DRG1: variants seen among roughly 807,000 people sequenced by gnomAD.
DRG1 encodes developmentally regulated GTP binding protein 1, also known as developmentally-regulated GTP-binding protein 1.
A neutral mutation model predicts 38.8 loss-of-function variants in DRG1; 19 were observed. The ratio of observed to expected loss-of-function variants is 0.49; its 90% CI spans 0.34 to 0.72. The LOEUF (loss-of-function observed/expected upper bound fraction) is 0.72, where lower values mean the gene tolerates loss of function less well. DRG1 is among the 30% of genes least tolerant of loss of function. DRG1 has a pLI of 0.01. For missense variants in DRG1, 299 were observed against 444.8 expected, an observed-to-expected ratio of 0.67 and a Z score of 2.95; for synonymous variants, 167 against 157.5, an observed-to-expected ratio of 1.06 and a Z score of -0.45.
chr22:31,420,049 A>C (rs930435358), intron 4 of DRG1, among the ~76,000 whole-genome samples: 2 of 152,174 alleles, frequency 1.3e-5, no homozygotes. Flanking sequence ...CTCTTGGGCA[A>C]ATAGGTGCTG....
At chr22:31,421,055 G>C (rs975856561) in intron 5 of DRG1, among the ~76,000 whole-genome samples, 1 of 152,036 alleles carries the variant, frequency 6.6e-6, no homozygotes, top group African/African-American at 2.4e-5. Flanking sequence ...GAGTAGCTGG[G>C]ATTACAGGTG....
chr22:31,411,766 C>G (rs945796301), intron 4 of DRG1, among the ~76,000 whole-genome samples: 3 of 151,640 alleles, frequency 2.0e-5, no homozygotes, highest in Non-Finnish European at 2.9e-5. Context: ...ATCTGCCTGC[C>G]TCAGTCTCCC....
At chr22:31,425,155 G>C (rs1476924889) in intron 6 of DRG1, among the ~76,000 whole-genome samples, 1 of 151,892 alleles carries the variant, frequency 6.6e-6, no homozygotes, top group Non-Finnish European at 1.5e-5. Context: ...ATCCTTCCTT[G>C]CTTTTAAATT....
intron 7 of DRG1, 34 bp from the exon 8 acceptor site, chr22:31,427,026 G>GAT: frequency 6.2e-7 from 1 of 1,612,902 alleles, no homozygotes. Context: ...GATAGTCTAA[G>GAT]AAGGCAGTAA....
chr22:31,430,424 G>T (rs2050132530), intron 8 of DRG1, among the ~76,000 whole-genome samples: 2 of 149,738 alleles, frequency 1.3e-5, no homozygotes, highest in South Asian at 4.2e-4. Context: ...TTTTGAGATG[G>T]AGTCTCGCTC....
Position 31,425,494 on chromosome 22 carries a change from G to C in DRG1, c.714-1121G>C, listed in dbSNP as rs534651114. Among the ~76,000 whole-genome samples the C allele has an allele frequency of 1.6e-4, 24 of 149,334 alleles. No homozygotes were observed. The South Asian group carries it at 4.8e-3, about 30-fold the overall frequency. ...ATGCTCTTGTCGCCCAGGCTGTAGTGCAGTGGTGTGATCACGGCTTACCGC... is the reference window on the plus strand; with the variant it reads ...ATGCTCTTGTCGCCCAGGCTGTAGTCCAGTGGTGTGATCACGGCTTACCGC... On this transcript the variant is annotated intron_variant, in intron 6 of 8. Coordinates refer to ENST00000331457, the MANE Select transcript of DRG1 (RefSeq NM_004147.4).
At chr22:31,403,280 G>A in intron 3 of DRG1, 76 bp downstream of exon 3, 1 of 1,450,838 alleles carries the variant, frequency 6.9e-7, no homozygotes, top group Non-Finnish European at 9.2e-7. Context: ...GGAGCTCACT[G>A]TATGCCAGGC....
At chr22:31,405,689 T>G (rs2049986145) in intron 3 of DRG1, among the ~76,000 whole-genome samples, 1 of 150,820 alleles carries the variant, frequency 6.6e-6, no homozygotes, top group Admixed American at 6.6e-5. Flanking sequence ...GTGGGGGGGT[T>G]TATTTATTTT....
chr22:31,423,171 A>T, intron 5 of DRG1, 109 bp from the exon 6 acceptor site: 1 of 1,344,196 alleles, frequency 7.4e-7, no homozygotes, highest in Non-Finnish European at 1.0e-6. Context: ...TGTATTTAGT[A>T]ATGAGTTTGC....
In DRG1 at chr22:31,400,627, G is replaced by C; in HGVS notation, c.50G>C (p.Arg17Pro). The change falls in exon 2 of 9, where the codon CGG becomes CCG. Residue 17 changes from arginine to proline, a missense_variant. Transcript: ENST00000331457. ...GTGATTCCTCCCTTTTAGATGGCTC[G>C]GACTCAAAAGAACAAGGCCACAGCA... Reference protein sequence around the residue: ...KIAEIEAEMARTQKNKATAHH... With the variant: ...KIAEIEAEMAPTQKNKATAHH... 6.2e-7 allele frequency: 1 copy of C among 1,612,442 alleles called. No homozygotes were observed. Among genetic ancestry groups the C allele is most frequent in the Non-Finnish European group, 8.5e-7 (1 of 1,179,148 alleles).
At chr22:31,420,180 A>T in intron 4 of DRG1, 76 bp from the exon 5 acceptor site, 2 of 1,514,094 alleles carry the variant, frequency 1.3e-6, no homozygotes, top group South Asian at 2.6e-5. Context: ...GGGGGAAAAA[A>T]CACCTCTACT....
In DRG1 at chr22:31,414,612, C is replaced by T. The variant is rs149733770; in HGVS notation, c.412+3531C>T. On this transcript the variant is annotated intron_variant, in intron 4 of 8. Coordinates refer to ENST00000331457, the MANE Select transcript of DRG1 (RefSeq NM_004147.4). ...CGCACATCTACTGTGTTGTTATATC[C>T]AGCTGGTTTTACCTTTGAAATATAT... Among the ~76,000 whole-genome samples, 653 of 151,948 alleles carry T rather than the reference C, an allele frequency of 4.3e-3. 40 individuals carry two copies. In the South Asian group the frequency reaches 0.08, roughly 19 times the overall value.
intron 3 of DRG1, among the ~76,000 whole-genome samples, chr22:31,403,774 C>T (rs1320446811): frequency 6.6e-6 from 1 of 152,064 alleles, no homozygotes; most frequent in Admixed American, 6.6e-5. Context: ...AGCCACCGCG[C>T]CCGGCCCCCT....
chr22:31,429,413 C>T (rs1006745766), intron 8 of DRG1, among the ~76,000 whole-genome samples: 2 of 151,988 alleles, frequency 1.3e-5, no homozygotes, highest in South Asian at 2.1e-4. Flanking sequence ...TGAGCTACCA[C>T]GCCTGGCCTA....
intron 4 of DRG1, among the ~76,000 whole-genome samples, chr22:31,415,100 G>A (rs530734796): frequency 2.6e-5 from 4 of 152,190 alleles, no homozygotes; most frequent in Admixed American, 2.6e-4. Context: ...TTTTTTAGGG[G>A]TAGAATCTCG....
At chr22:31,428,863 A>G (rs181919639) in intron 8 of DRG1, among the ~76,000 whole-genome samples, 3 of 152,224 alleles carry the variant, frequency 2.0e-5, no homozygotes, top group African/African-American at 7.2e-5. Flanking sequence ...GAGATTATGC[A>G]TTTTTGGTAA....
In DRG1 at chr22:31,400,586, C is replaced by T. The variant is rs1569044087; in HGVS notation, c.43-34C>T. 9 of 1,603,838 alleles carry T rather than the reference C, an allele frequency of 5.6e-6. No individual in the cohort carries two copies. In the South Asian group the frequency reaches 9.9e-5, roughly 18 times the overall value. ...TCAAAGCTGGGGGAAGCGTTCACTG[C>T]TTCTAATTTATGGCTGTGATTCCTC... On this transcript the variant is annotated intron_variant, in intron 1 of 8. Transcript: ENST00000331457.
chr22:31,433,933 T>G lies in DRG1; in HGVS notation c.1066T>G (p.Leu356Val), dbSNP rs529935656. The change falls in exon 9 of 9, where the codon TTG becomes GTG. Residue 356 changes from leucine (L) to valine (V), a missense_variant. Physicochemically the swap from Leu to Val is conservative, Grantham distance 32 (BLOSUM62 1). This residue lies in a region of DRG1 where 198 missense variants were observed against 268.1 expected (regional missense o/e 0.74). Transcript: ENST00000331457. ...TCAGAAAGTGGGTAAAGACCATACG[T>G]TGGAGGATGAGGATGTCATTCAAAT... is the stretch of plus-strand genomic sequence containing the variant. ...NPQKVGKDHT[L>V]EDEDVIQIVK... 6.2e-7 allele frequency: 1 copy of G among 1,614,024 alleles called. No individual in the cohort carries two copies. Among genetic ancestry groups the G allele is most frequent in the South Asian group, 1.1e-5 (1 of 91,076 alleles).
intron 2 of DRG1, among the ~76,000 whole-genome samples, chr22:31,402,065 AAAAAC>A (rs528345184): frequency 4.6e-5 from 7 of 152,170 alleles, no homozygotes; most frequent in African/African-American, 7.2e-5. Context: ...AAAAAAAAGA[AAAAAC>A]AAAACCAAAG....
Sources: gnomAD v4.1 joint callset for allele counts (sites outside exome capture counted in the v4.1 genomes callset) on GRCh38, gnomAD v4.1.1 for gene constraint, gnomAD v4.1.1 regional missense constraint, MANE v1.5 for transcripts, NCBI Gene and HGNC (gene_info 2026-07-23, HGNC 2026-07-21) for gene names.